The following GLIPR2 variants were observed in gnomAD, a reference collection of about 807,000 sequenced individuals.
GLIPR2 encodes the protein Golgi-associated plant pathogenesis-related protein 1.
A neutral mutation model predicts 20.4 loss-of-function variants in GLIPR2; 21 were observed. The ratio of observed to expected loss-of-function variants is 1.03; its 90% CI spans 0.73 to 1.48. The LOEUF (loss-of-function observed/expected upper bound fraction) is 1.48. Ranked by LOEUF, GLIPR2 falls within the 40% of genes most tolerant of loss-of-function variation. The pLI is 0.00. For missense variants in GLIPR2, 205 were observed against 200.1 expected, an observed-to-expected ratio of 1.02 and a Z score of -0.15; for synonymous variants, 91 against 80.5, an observed-to-expected ratio of 1.13 and a Z score of -0.70.
intron 4 of GLIPR2, among the ~76,000 whole-genome samples, chr9:36,157,339 T>A (rs1825877759): frequency 6.6e-6 from 1 of 150,962 alleles, no homozygotes; most frequent in South Asian, 2.1e-4. Context: ...CTTTTTTATT[T>A]TTATTTTTTT....
chr9:36,136,912 G>T lies in GLIPR2; in HGVS notation c.13+121G>T, dbSNP rs1377347682. ...AGTGCGGGAGCCCGGGGTGCGGGTG[G>T]AGGGCGCGCGGGCGGAGCGCCCCGG... On this transcript the variant is annotated intron_variant, in intron 1 of 4. Coordinates refer to ENST00000377960, the MANE Select transcript of GLIPR2 (RefSeq NM_022343.4). The surrounding 1 kb of genome is among the most constrained non-coding windows in gnomAD (Gnocchi z 4.3). 1.9e-5 allele frequency: 22 copies of T among 1,147,328 alleles called. No individual in the cohort carries two copies. The highest frequency in any genetic ancestry group is 4.3e-5 in the Admixed American group (1 of 23,400). 71.1% of individuals were successfully genotyped at this position (1,147,328 alleles called of 1,614,324 possible). A position where few individuals can be genotyped will look rare whatever the true frequency, so the allele number is the denominator to read the frequency against.
chr9:36,147,307 G>C (rs1435627842), intron 1 of GLIPR2, among the ~76,000 whole-genome samples: 1 of 152,094 alleles, frequency 6.6e-6, no homozygotes, highest in Non-Finnish European at 1.5e-5. Context: ...CCCAGCTCTG[G>C]CCCATTCCAG....
chr9:36,148,593 G>A lies in GLIPR2; in HGVS notation c.169G>A (p.Glu57Lys). 1.2e-6 allele frequency: 2 copies of A among 1,614,156 alleles called. No individual in the cohort carries two copies. The highest frequency in any genetic ancestry group is 1.7e-6 in the Non-Finnish European group (2 of 1,179,980). ...CACGAGGATCCTCAAGCACAGCCCG[G>A]AGTCCAGCCGTGGCCAGTGTGGGGA... ...ASTRILKHSPESSRGQCGENL... is the reference protein window; with the variant it reads ...ASTRILKHSPKSSRGQCGENL... The change falls in exon 3 of 5, where the codon GAG becomes AAG. Residue 57 changes from glutamate to lysine, a missense_variant. Coordinates refer to ENST00000377960, the MANE Select transcript of GLIPR2 (RefSeq NM_022343.4).
intron 4 of GLIPR2, among the ~76,000 whole-genome samples, chr9:36,152,106 G>A (rs1825611114): frequency 6.6e-6 from 1 of 152,120 alleles, no homozygotes; most frequent in Non-Finnish European, 1.5e-5. Flanking sequence ...ATTGTTCCTG[G>A]GACTCTGGGG....
chr9:36,149,693 T>C (rs1825498206), intron 3 of GLIPR2, among the ~76,000 whole-genome samples: 3 of 152,094 alleles, frequency 2.0e-5, no homozygotes. Context: ...AGACAGTGCT[T>C]CCCTACTCTG....
At chr9:36,157,840 T>C (rs936489441) in intron 4 of GLIPR2, among the ~76,000 whole-genome samples, 15 of 150,542 alleles carry the variant, frequency 1.0e-4, no homozygotes, top group Non-Finnish European at 2.1e-4. Flanking sequence ...CGAGATGGAG[T>C]CTCACTCTGT....
intron 4 of GLIPR2, among the ~76,000 whole-genome samples, chr9:36,153,034 A>T (rs573480429): frequency 2.7e-5 from 4 of 145,978 alleles, no homozygotes; most frequent in Non-Finnish European, 6.0e-5. Context: ...AGGCTGAAGC[A>T]GGAGAATCAC....
In GLIPR2 at chr9:36,136,823, G is replaced by T; in HGVS notation, c.13+32G>T. The T allele has an allele frequency of 2.3e-6, 3 of 1,281,114 alleles. No individual in the cohort carries two copies. Among genetic ancestry groups the T allele is most frequent in the Non-Finnish European group, 3.0e-6 (3 of 1,014,730 alleles). The allele number at this position is 1,281,114 out of a possible 1,614,324, so 79.4% of individuals were successfully genotyped here. A position where few individuals can be genotyped will look rare whatever the true frequency, so the allele number is the denominator to read the frequency against. Reference sequence around the variant, plus strand: ...CCGCGGGCTCGCCCGCTGCGGAATGGTTCGGAACCCCGCGCTCCCGGACCT... The same window carrying T: ...CCGCGGGCTCGCCCGCTGCGGAATGTTTCGGAACCCCGCGCTCCCGGACCT... On this transcript the variant is annotated intron_variant, in intron 1 of 4. Coordinates refer to ENST00000377960, the MANE Select transcript of GLIPR2 (RefSeq NM_022343.4). This position sits in a 1 kb window ranked among gnomAD's most constrained non-coding sequence, Gnocchi z 4.3.
At chr9:36,137,056 A>G (rs112776904) in intron 1 of GLIPR2, among the ~76,000 whole-genome samples, 3,946 of 152,276 alleles carry the variant, frequency 0.026, 82 homozygotes, top group Middle Eastern at 0.048. Flanking sequence ...CGGCCCGCCA[A>G]GGCGTGGCTT....
chr9:36,139,492 G>A (rs561578161), intron 1 of GLIPR2, among the ~76,000 whole-genome samples: 7 of 152,242 alleles, frequency 4.6e-5, no homozygotes, highest in Admixed American at 2.0e-4. Flanking sequence ...GTGACCCCGT[G>A]CCCAGTGGTC....
chr9:36,147,536 C>T (rs1260801987), intron 1 of GLIPR2, among the ~76,000 whole-genome samples: 1 of 152,214 alleles, frequency 6.6e-6, no homozygotes, highest in Non-Finnish European at 1.5e-5. Context: ...ACCCAAATGC[C>T]TAACAGGGCC....
chr9:36,149,766 G>A (rs1422193090), intron 3 of GLIPR2, among the ~76,000 whole-genome samples: 4 of 152,188 alleles, frequency 2.6e-5, no homozygotes, highest in African/African-American at 9.7e-5. Context: ...AGTAGCTCAC[G>A]CCTGCAATCC....
intron 1 of GLIPR2, among the ~76,000 whole-genome samples, chr9:36,137,472 C>T (rs1021792429): frequency 2.0e-5 from 3 of 152,216 alleles, no homozygotes; most frequent in Non-Finnish European, 4.4e-5. Flanking sequence ...AGCTGGTGCA[C>T]AGGTCCCTTC....
rs1340425510 is a variant in GLIPR2, at chr9:36,136,797, C to A, written c.13+6C>A. 5 of 1,300,266 alleles carry A rather than the reference C, an allele frequency of 3.8e-6. No homozygotes were observed. The highest frequency in any genetic ancestry group is 1.5e-5 in the African/African-American group (1 of 64,738). 80.5% of individuals were successfully genotyped at this position (1,300,266 alleles called of 1,614,324 possible). A position where few individuals can be genotyped will look rare whatever the true frequency, so the allele number is the denominator to read the frequency against. ...GCCGGCCATGGGCAAGTCAGGTGAG[C>A]CCGCGGGCTCGCCCGCTGCGGAATG... On this transcript the variant is annotated splice_donor_region_variant and intron_variant, in intron 1 of 4. Transcript: ENST00000377960. The surrounding 1 kb of genome is among the most constrained non-coding windows in gnomAD (Gnocchi z 4.3).
intron 4 of GLIPR2, among the ~76,000 whole-genome samples, chr9:36,158,165 G>T (rs771016964): frequency 6.6e-6 from 1 of 152,184 alleles, no homozygotes; most frequent in African/African-American, 2.4e-5. Context: ...GAGCATGGGC[G>T]TATAAATATC....
Position 36,156,712 on chromosome 9 carries a change from G to A in GLIPR2, c.305-5650G>A, listed in dbSNP as rs554251265. On this transcript the variant is annotated intron_variant, in intron 4 of 4. Coordinates refer to ENST00000377960, the MANE Select transcript of GLIPR2 (RefSeq NM_022343.4). ...CGCCTCCTGTCAGATCAGCAGTGGC[G>A]TTAGATTCTCATAGGAGCATGAACC... Among the ~76,000 whole-genome samples, 8 of 152,296 alleles carry A rather than the reference G, an allele frequency of 5.3e-5. 1 individual carries two copies. Among genetic ancestry groups the A allele is most frequent in the East Asian group, 1.9e-4 (1 of 5,180 alleles).
At chr9:36,156,209 C>CA (rs1254517336) in intron 4 of GLIPR2, among the ~76,000 whole-genome samples, 3 of 151,042 alleles carry the variant, frequency 2.0e-5, no homozygotes, top group Admixed American at 6.6e-5. Flanking sequence ...GACTCCATCT[C>CA]AAAAAATTAA....
chr9:36,143,744 C>G (rs1422826098), intron 1 of GLIPR2, among the ~76,000 whole-genome samples: 5 of 152,290 alleles, frequency 3.3e-5, no homozygotes, highest in South Asian at 2.1e-4. Context: ...GCCTGAGTCC[C>G]TCCAAGAGGG....
At position 36,136,758 on chromosome 9, in the gene GLIPR2, G is replaced by C. The variant is rs779464467; in HGVS notation, c.-21G>C. On this transcript the variant is annotated 5_prime_UTR_variant, in exon 1 of 5. Coordinates refer to ENST00000377960, the MANE Select transcript of GLIPR2 (RefSeq NM_022343.4). This position sits in a 1 kb window ranked among gnomAD's most constrained non-coding sequence, Gnocchi z 4.3. ...GCAGTGCAGCGCAGCCGCGGGGAGCGAGGAGCGCGCGGAGCCGGCCATGGG... is the reference window on the plus strand; with the variant it reads ...GCAGTGCAGCGCAGCCGCGGGGAGCCAGGAGCGCGCGGAGCCGGCCATGGG... 2.3e-6 allele frequency: 3 copies of C among 1,286,878 alleles called. No individual in the cohort carries two copies. Among genetic ancestry groups the C allele is most frequent in the Non-Finnish European group, 2.9e-6 (3 of 1,019,504 alleles). The allele number at this position is 1,286,878 out of a possible 1,614,324, so 79.7% of individuals were successfully genotyped here. A position where few individuals can be genotyped will look rare whatever the true frequency, so the allele number is the denominator to read the frequency against.
Sources: allele counts gnomAD v4.1 joint callset (sites outside exome capture counted in the v4.1 genomes callset), GRCh38; gene constraint gnomAD v4.1.1; non-coding constraint Gnocchi (gnomAD v3.1); transcripts MANE v1.5; gene names NCBI Gene and HGNC (gene_info 2026-07-23, HGNC 2026-07-21).